The following GRM7 variants were observed in gnomAD, a reference collection of about 807,000 sequenced individuals.
The protein encoded by GRM7 is glutamate metabotropic receptor 7.
GRM7 carries 35 observed loss-of-function variants against 84.5 expected under a neutral mutation model. That is an observed-to-expected ratio of 0.41 (90% CI 0.32 to 0.55). GRM7 has a LOEUF of 0.55. GRM7 is among the 20% of genes least tolerant of loss of function. The pLI is 0.19. For synonymous variants in GRM7, 487 were observed against 455.1 expected (o/e 1.07, Z -0.89); for missense variants, 1,003 against 1,194.6 (o/e 0.84, Z 2.36).
In GRM7 at chr3:7,119,449, C is replaced by T. The variant is rs75848319; in HGVS notation, c.520-27003C>T. Among the ~76,000 whole-genome samples the T allele has an allele frequency of 4.5e-3, 681 of 152,196 alleles. 7 individuals are homozygous for T. Among genetic ancestry groups the T allele is most frequent in the African/African-American group, 0.016 (651 of 41,532 alleles). On this transcript the variant is annotated intron_variant, in intron 1 of 9. Transcript: ENST00000357716. ...GAGATTTCACACACATGACTAGATTCGTAGTCCATATACTTTGTAAACTCT... is the reference window on the plus strand; with the variant it reads ...GAGATTTCACACACATGACTAGATTTGTAGTCCATATACTTTGTAAACTCT...
chr3:7,047,561 G>C (rs1353448168), intron 1 of GRM7, among the ~76,000 whole-genome samples: 2 of 152,044 alleles, frequency 1.3e-5, no homozygotes, highest in African/African-American at 4.8e-5. Context: ...GGCCTCTGTA[G>C]TTCCAGCCAG....
chr3:7,360,397 C>T (rs1693610120), intron 4 of GRM7, among the ~76,000 whole-genome samples: 1 of 124,856 alleles, frequency 8.0e-6, no homozygotes, highest in Non-Finnish European at 1.7e-5. Flanking sequence ...GGAAATGAAA[C>T]ATGGCAAATA....
intron 2 of GRM7, among the ~76,000 whole-genome samples, chr3:7,256,343 A>G (rs1482291607): frequency 1.3e-5 from 2 of 152,224 alleles, no homozygotes; most frequent in East Asian, 3.8e-4. Flanking sequence ...TTCAATAAGT[A>G]AACATTTATT....
intron 1 of GRM7, among the ~76,000 whole-genome samples, chr3:6,949,359 T>C (rs1692605430): frequency 6.6e-6 from 1 of 152,194 alleles, no homozygotes. Context: ...AAAATTCTTT[T>C]CTTTAGGAAT....
At chr3:7,419,014 C>T (rs935758826) in intron 5 of GRM7, among the ~76,000 whole-genome samples, 5 of 152,062 alleles carry the variant, frequency 3.3e-5, no homozygotes, top group Non-Finnish European at 7.4e-5. Context: ...AGCACATAGT[C>T]GTAGCTAACA....
At chr3:7,506,781 T>C (rs1575428742) in intron 7 of GRM7, among the ~76,000 whole-genome samples, 1 of 152,238 alleles carries the variant, frequency 6.6e-6, no homozygotes, top group African/African-American at 2.4e-5. Flanking sequence ...CCCTGTCCTG[T>C]GAAGACAACA....
At chr3:6,872,496 G>A (rs1695154976) in intron 1 of GRM7, among the ~76,000 whole-genome samples, 1 of 152,040 alleles carries the variant, frequency 6.6e-6, no homozygotes, top group South Asian at 2.1e-4. Flanking sequence ...TAAGTGCTGG[G>A]ATACATGTAC....
chr3:6,875,614 T>C (rs1392868238), intron 1 of GRM7, among the ~76,000 whole-genome samples: 1 of 152,224 alleles, frequency 6.6e-6, no homozygotes, highest in Non-Finnish European at 1.5e-5. Flanking sequence ...GGTATGTCTT[T>C]ATTAGCAGTG....
At chr3:6,927,047 A>G (rs1559332990) in intron 1 of GRM7, among the ~76,000 whole-genome samples, 1 of 152,222 alleles carries the variant, frequency 6.6e-6, no homozygotes, top group African/African-American at 2.4e-5. Context: ...TGACCACTGT[A>G]TATGTAGACA....
intron 9 of GRM7, among the ~76,000 whole-genome samples, chr3:7,688,908 G>C (rs1247170876): frequency 6.6e-6 from 1 of 152,188 alleles, no homozygotes; most frequent in Non-Finnish European, 1.5e-5. Context: ...ACATGCCACT[G>C]TTTAAAAGCA....
intron 7 of GRM7, among the ~76,000 whole-genome samples, chr3:7,536,102 A>G (rs777829592): frequency 6.6e-6 from 1 of 152,156 alleles, no homozygotes; most frequent in Non-Finnish European, 1.5e-5. Flanking sequence ...TCCTAGTACC[A>G]AAAGTGTGTG....
chr3:7,411,345 C>A (rs779865), intron 4 of GRM7, among the ~76,000 whole-genome samples: 111,368 of 152,076 alleles, frequency 0.73, 41,268 homozygotes, highest in African/African-American at 0.83. Flanking sequence ...AAGGGCATGA[C>A]ACAACTATGT....
chr3:7,501,304 T>TTTGGATATTCTTA (rs1288724387), intron 7 of GRM7, among the ~76,000 whole-genome samples: 41 of 152,320 alleles, frequency 2.7e-4, no homozygotes, highest in African/African-American at 9.4e-4. Flanking sequence ...AAAAGTGGAA[T>TTTGGATATTCTTA]TTGGATATTC....
At chr3:6,986,284 C>T (rs563199251) in intron 1 of GRM7, among the ~76,000 whole-genome samples, 2 of 152,238 alleles carry the variant, frequency 1.3e-5, no homozygotes, top group East Asian at 1.9e-4. Context: ...ATGTTTACCA[C>T]CTTTATTATG....
chr3:7,645,971 G>C (rs1339196267), intron 8 of GRM7, among the ~76,000 whole-genome samples: 2 of 152,084 alleles, frequency 1.3e-5, no homozygotes, highest in African/African-American at 4.8e-5. Flanking sequence ...AGGACTTTTT[G>C]CTAAGCCCTC....
intron 1 of GRM7, among the ~76,000 whole-genome samples, chr3:6,967,289 C>A (rs193172087): frequency 6.6e-6 from 1 of 152,246 alleles, no homozygotes; most frequent in Non-Finnish European, 1.5e-5. Flanking sequence ...AACTCCTGGG[C>A]ACAGGTGATC....
chr3:7,084,215 G>A (rs1208898219), intron 1 of GRM7, among the ~76,000 whole-genome samples: 2 of 152,142 alleles, frequency 1.3e-5, no homozygotes, highest in East Asian at 1.9e-4. Context: ...ATATGAAATA[G>A]TAGAGGCAAC....
intron 1 of GRM7, among the ~76,000 whole-genome samples, chr3:7,093,423 C>A (rs1393662974): frequency 6.6e-6 from 1 of 151,518 alleles, no homozygotes; most frequent in African/African-American, 2.4e-5. Flanking sequence ...CTCATACCTG[C>A]AATCCAAGCA....
chr3:6,994,967 T>A (rs1374148686), intron 1 of GRM7, among the ~76,000 whole-genome samples: 1 of 152,216 alleles, frequency 6.6e-6, no homozygotes, highest in Admixed American at 6.5e-5. Flanking sequence ...CACTTTACCA[T>A]CCTGTAATTA....
Sources: allele counts gnomAD v4.1 joint callset (sites outside exome capture counted in the v4.1 genomes callset), GRCh38; gene constraint gnomAD v4.1.1; transcripts MANE v1.5; gene names NCBI Gene and HGNC (gene_info 2026-07-23, HGNC 2026-07-21).